The following DOK6 variants were observed in gnomAD, a reference collection of about 807,000 sequenced individuals.
DOK6 encodes docking protein 6, also known as downstream of tyrosine kinase 6.
DOK6 carries 22 observed loss-of-function variants against 44.0 expected under a neutral mutation model. That is an observed-to-expected ratio of 0.50 (90% confidence interval 0.36 to 0.71). DOK6 has a LOEUF of 0.71. DOK6 is among the 30% of genes least tolerant of loss of function. The pLI, the probability that DOK6 is intolerant of heterozygous loss-of-function variation, is 0.00. For missense variants in DOK6, 340 were observed against 416.4 expected, an observed-to-expected ratio of 0.82 and a Z score of 1.60; for synonymous variants, 166 against 145.5, an observed-to-expected ratio of 1.14 and a Z score of -1.01.
chr18:69,401,318 G>A lies in DOK6; in HGVS notation c.66+8G>A. ...CGCAGCAGGAAGCTTGGGGTGAGTG[G>A]CTCGCTCGGCTTGCTCCTTCCCCGG... On this transcript the variant is annotated splice_region_variant and intron_variant, in intron 1 of 7. Transcript: ENST00000382713. The A allele has an allele frequency of 1.3e-6, 2 of 1,525,802 alleles. No homozygotes were observed. Among genetic ancestry groups the A allele is most frequent in the Non-Finnish European group, 1.8e-6 (2 of 1,135,778 alleles). The allele number at this position is 1,525,802 out of a possible 1,614,324, so 94.5% of individuals were successfully genotyped here.
At chr18:69,731,448 T>C (rs1466705729) in intron 5 of DOK6, among the ~76,000 whole-genome samples, 2 of 152,144 alleles carry the variant, frequency 1.3e-5, no homozygotes, top group African/African-American at 4.8e-5. Flanking sequence ...AATTGTAACC[T>C]GAGAATAAAA....
intron 1 of DOK6, among the ~76,000 whole-genome samples, chr18:69,536,125 A>C (rs1982116213): frequency 6.6e-6 from 1 of 152,160 alleles, no homozygotes; most frequent in Non-Finnish European, 1.5e-5. Flanking sequence ...TAAAGAAAGC[A>C]TATGGTCTTG....
chr18:69,510,833 G>A (rs547775518), intron 1 of DOK6, among the ~76,000 whole-genome samples: 11 of 151,942 alleles, frequency 7.2e-5, no homozygotes, highest in Non-Finnish European at 1.6e-4. Flanking sequence ...ATTTATTTTT[G>A]CTCATTTCCT....
intron 4 of DOK6, among the ~76,000 whole-genome samples, chr18:69,684,052 G>C (rs1986098182): frequency 6.6e-6 from 1 of 152,182 alleles, no homozygotes; most frequent in African/African-American, 2.4e-5. Context: ...CCCTCTAGAA[G>C]AAATAAGATG....
intron 1 of DOK6, among the ~76,000 whole-genome samples, chr18:69,505,746 C>A (rs1422438076): frequency 6.6e-6 from 1 of 151,958 alleles, no homozygotes; most frequent in Admixed American, 6.6e-5. Flanking sequence ...ATCCACCCAC[C>A]TCAGACTCCC....
intron 1 of DOK6, among the ~76,000 whole-genome samples, chr18:69,486,699 C>T (rs184155302): frequency 6.6e-6 from 1 of 152,260 alleles, no homozygotes; most frequent in Admixed American, 6.5e-5. Context: ...TTTCACTCAA[C>T]AAATGTGGTG....
chr18:69,549,120 A>T (rs1982493766), intron 1 of DOK6, among the ~76,000 whole-genome samples: 1 of 150,930 alleles, frequency 6.6e-6, no homozygotes, highest in Non-Finnish European at 1.5e-5. Context: ...AACAACAAAA[A>T]ATTTCTACCT....
At chr18:69,680,208 A>G (rs1280197332) in intron 4 of DOK6, among the ~76,000 whole-genome samples, 1 of 152,246 alleles carries the variant, frequency 6.6e-6, no homozygotes, top group Non-Finnish European at 1.5e-5. Flanking sequence ...ATATCCTATA[A>G]GGAAATTTGC....
At chr18:69,480,457 G>T (rs1439058017) in intron 1 of DOK6, among the ~76,000 whole-genome samples, 1 of 152,054 alleles carries the variant, frequency 6.6e-6, no homozygotes, top group Admixed American at 6.6e-5. Flanking sequence ...GAAATGAGGT[G>T]TCTAATGTGT....
In DOK6 at chr18:69,545,116, T is replaced by TTA. The variant is rs1555711861; in HGVS notation, c.67-19371_67-19370insTA. On this transcript the variant is annotated intron_variant, in intron 1 of 7. Coordinates refer to ENST00000382713, the MANE Select transcript of DOK6 (RefSeq NM_152721.6). Reference sequence around the variant, plus strand: ...GCCTGGGTGACAGAGCGAGACACCATAAAAAAAAAAAAATTACAACCCATG... The same window carrying TTA: ...GCCTGGGTGACAGAGCGAGACACCATTAAAAAAAAAAAAAATTACAACCCATG... Among the ~76,000 whole-genome samples the TTA allele has an allele frequency of 3.3e-4, 48 of 145,188 alleles. 1 individual carries two copies. The highest frequency in any genetic ancestry group is 2.3e-3 in the Admixed American group (34 of 14,480).
chr18:69,404,240 C>G (rs1052457832), intron 1 of DOK6, among the ~76,000 whole-genome samples: 1 of 152,172 alleles, frequency 6.6e-6, no homozygotes, highest in Non-Finnish European at 1.5e-5. Context: ...CTCTAGGTAG[C>G]AAGTCAGCCC....
At chr18:69,612,467 GTATTTCT>G (rs1384907708) in intron 3 of DOK6, among the ~76,000 whole-genome samples, 23 of 151,578 alleles carry the variant, frequency 1.5e-4, no homozygotes, top group East Asian at 5.9e-4. Context: ...GCGTGCATAT[GTATTTCT>G]TGCTCTTTTC....
intron 5 of DOK6, among the ~76,000 whole-genome samples, chr18:69,734,922 A>C (rs1761132067): frequency 6.6e-6 from 1 of 152,190 alleles, no homozygotes; most frequent in South Asian, 2.1e-4. Context: ...CAAGTTTGAG[A>C]GTTACAGACA....
intron 3 of DOK6, among the ~76,000 whole-genome samples, chr18:69,619,022 C>T (rs888902531): frequency 1.3e-5 from 2 of 151,888 alleles, no homozygotes; most frequent in Non-Finnish European, 2.9e-5. Flanking sequence ...TAAAATATAA[C>T]AAACATTTAA....
intron 3 of DOK6, among the ~76,000 whole-genome samples, chr18:69,613,037 A>C (rs933562496): frequency 6.6e-6 from 1 of 151,852 alleles, no homozygotes; most frequent in African/African-American, 2.4e-5. Context: ...TGCCCGGCTA[A>C]TTTTTGTACT....
intron 3 of DOK6, among the ~76,000 whole-genome samples, chr18:69,651,549 C>T (rs1423362727): frequency 6.1e-5 from 9 of 146,956 alleles, no homozygotes; most frequent in Admixed American, 2.8e-4. Context: ...AGTGCAGCAG[C>T]GCGATCTTGG....
chr18:69,546,936 G>T lies in DOK6; in HGVS notation c.67-17551G>T, dbSNP rs1386684405. On this transcript the variant is annotated intron_variant, in intron 1 of 7. Transcript: ENST00000382713. ...AAGAAGGAGGTTTAATTTGCTCACG[G>T]TTCTTCAGGCTGTACAGAAAGCATG... Among the ~76,000 whole-genome samples the T allele has an allele frequency of 3.3e-5, 5 of 151,644 alleles. 1 individual carries two copies. Among genetic ancestry groups the T allele is most frequent in the Non-Finnish European group, 1.5e-5 (1 of 67,730 alleles).
chr18:69,418,442 G>A (rs374930560), intron 1 of DOK6, among the ~76,000 whole-genome samples: 1 of 151,922 alleles, frequency 6.6e-6, no homozygotes, highest in African/African-American at 2.4e-5. Context: ...ATGTAAAGTA[G>A]AATTTATATT....
At chr18:69,752,950 G>A (rs1228927438) in intron 6 of DOK6, among the ~76,000 whole-genome samples, 2 of 152,154 alleles carry the variant, frequency 1.3e-5, no homozygotes, top group Non-Finnish European at 2.9e-5. Flanking sequence ...TTGCCTTGGA[G>A]GAAAATAGGA....
Sources: allele counts gnomAD v4.1 joint callset (sites outside exome capture counted in the v4.1 genomes callset), GRCh38; gene constraint gnomAD v4.1.1; transcripts MANE v1.5; gene names NCBI Gene and HGNC (gene_info 2026-07-23, HGNC 2026-07-21).